The following TRMT11 variants were observed in gnomAD, a reference collection of about 807,000 sequenced individuals.
TRMT11 encodes the protein tRNA (guanine(10)-N(2))-methyltransferase TRMT11.
TRMT11 carries 53 observed loss-of-function variants against 62.8 expected under a neutral mutation model. The observed-to-expected ratio is 0.84, with a 90% confidence interval of 0.68 to 1.06. The LOEUF (loss-of-function observed/expected upper bound fraction) is 1.06. TRMT11 is among the 50% of genes least tolerant of loss of function. TRMT11 has a pLI of 0.00. For synonymous variants in TRMT11, 188 were observed against 190.3 expected (o/e 0.99, Z 0.10); for missense variants, 556 against 553.4 (o/e 1.00, Z -0.05).
At chr6:126,157,851 AT>A (rs1252685567) in intron 21 of TRMT11, among the ~76,000 whole-genome samples, 4 of 152,248 alleles carry the variant, frequency 2.6e-5, no homozygotes, top group Non-Finnish European at 2.9e-5. Flanking sequence ...TAGTCTTTAC[AT>A]TTTTAAATTG....
the TRMT11 span, among the ~76,000 whole-genome samples, chr6:126,271,033 C>T: frequency 6.6e-6 from 1 of 152,088 alleles, no homozygotes; most frequent in Non-Finnish European, 1.5e-5. Flanking sequence ...TCATCACACA[C>T]ATTTTTAAAG....
At position 126,008,471 on chromosome 6, in the gene TRMT11, G is replaced by C; in HGVS notation, c.759G>C (p.Leu253Phe). 6.2e-7 allele frequency: 1 copy of C among 1,611,766 alleles called. No homozygotes were observed. Among genetic ancestry groups the C allele is most frequent in the Non-Finnish European group, 8.5e-7 (1 of 1,178,112 alleles). Reference sequence around the variant, plus strand: ...TAGACTACAACACAGTTCATGGCTTGGGTGAGTAGAGATTATAGACAGTAT... The same window carrying C: ...TAGACTACAACACAGTTCATGGCTTCGGTGAGTAGAGATTATAGACAGTAT... ...TDIDYNTVHG[L>F]GKATRKNQKW... Residue 253 changes from leucine (L) to phenylalanine (F), a missense_variant and splice_region_variant, in exon 8 of 13, where the codon TTG becomes TTC. By Grantham distance (22) the Leu-to-Phe change is conservative. Transcript: ENST00000334379.
upstream of TRMT11, among the ~76,000 whole-genome samples, chr6:126,175,907 G>T (rs1778380034): frequency 6.6e-6 from 1 of 152,148 alleles, no homozygotes; most frequent in Admixed American, 6.6e-5. Context: ...ATAACACTGA[G>T]AATTTTACTT....
chr6:126,048,691 T>A (rs1776128823), intron 16 of TRMT11, among the ~76,000 whole-genome samples: 1 of 152,212 alleles, frequency 6.6e-6, no homozygotes, highest in African/African-American at 2.4e-5. Context: ...ATGTTTCTGA[T>A]GCAAAGGCTA....
chr6:126,239,941 G>A, the TRMT11 span, among the ~76,000 whole-genome samples: 3 of 151,764 alleles, frequency 2.0e-5, no homozygotes, highest in African/African-American at 4.8e-5. Context: ...TTCTCTTCTT[G>A]CTTCATTTCA....
chr6:126,211,662 T>C, the TRMT11 span, among the ~76,000 whole-genome samples: 1 of 151,658 alleles, frequency 6.6e-6, no homozygotes, highest in Non-Finnish European at 1.5e-5. Flanking sequence ...TGTGGGTACA[T>C]AGTAGGTGTA....
At chr6:126,125,163 A>C (rs917361112) in intron 21 of TRMT11, among the ~76,000 whole-genome samples, 9 of 152,004 alleles carry the variant, frequency 5.9e-5, no homozygotes, top group Admixed American at 2.6e-4. Flanking sequence ...CTATGCTCAG[A>C]CACTTTCCAT....
At chr6:126,264,682 T>G in the TRMT11 span, among the ~76,000 whole-genome samples, 1 of 152,202 alleles carries the variant, frequency 6.6e-6, no homozygotes, top group Non-Finnish European at 1.5e-5. Context: ...GAGCAAAAAC[T>G]TAACCATCCC....
intron 12 of TRMT11, among the ~76,000 whole-genome samples, chr6:126,022,172 T>A (rs530540104): frequency 6.7e-6 from 1 of 149,522 alleles, no homozygotes; most frequent in East Asian, 2.0e-4. Flanking sequence ...GCCTCCTGAG[T>A]AGCTGGGATT....
intron 21 of TRMT11, among the ~76,000 whole-genome samples, chr6:126,138,503 C>A (rs1258967257): frequency 1.3e-5 from 2 of 151,872 alleles, no homozygotes; most frequent in East Asian, 3.9e-4. Context: ...TAATATTAAT[C>A]ATTTGAAGCA....
At position 125,986,554 on chromosome 6, in the gene TRMT11, G is replaced by T. The variant is rs773963541; in HGVS notation, c.4G>T (p.Ala2Ser). 6.9e-6 allele frequency: 11 copies of T among 1,588,532 alleles called. No individual in the cohort carries two copies. Among genetic ancestry groups the T allele is most frequent in the African/African-American group, 2.7e-5 (2 of 74,724 alleles). ...AGGCGCACGGTGGGCAGCTGCAATG[G>T]CGCTGTCGTGTACCCTTAACAGGTA... MALSCTLNRYLL... is the reference protein window; with the variant it reads MSLSCTLNRYLL... The change falls in exon 1 of 13, where the codon GCG (alanine) becomes TCG (serine). Residue 2 changes from alanine to serine, a missense_variant. Transcript: ENST00000334379.
chr6:126,160,482 C>A (rs1562337206), intron 21 of TRMT11, among the ~76,000 whole-genome samples: 1 of 151,926 alleles, frequency 6.6e-6, no homozygotes, highest in Non-Finnish European at 1.5e-5. Flanking sequence ...AGAAGGAAGG[C>A]AGAGATGATT....
intron 17 of TRMT11, among the ~76,000 whole-genome samples, chr6:126,075,046 G>A (rs868696941): frequency 6.6e-6 from 1 of 152,044 alleles, no homozygotes; most frequent in Non-Finnish European, 1.5e-5. Flanking sequence ...TTTAACATAA[G>A]CTGAACATCC....
intron 17 of TRMT11, among the ~76,000 whole-genome samples, chr6:126,057,901 A>G (rs939750664): frequency 3.3e-5 from 5 of 151,856 alleles, no homozygotes; most frequent in African/African-American, 1.2e-4. Flanking sequence ...GCTGGCAAGG[A>G]TTGGAAGGCT....
At chr6:126,246,047 G>A in the TRMT11 span, among the ~76,000 whole-genome samples, 1 of 152,148 alleles carries the variant, frequency 6.6e-6, no homozygotes, top group South Asian at 2.1e-4. Flanking sequence ...ACTAAGCCCA[G>A]ATTCGTGCAA....
chr6:126,068,088 T>G (rs1266592130), intron 17 of TRMT11, among the ~76,000 whole-genome samples: 1 of 152,174 alleles, frequency 6.6e-6, no homozygotes, highest in African/African-American at 2.4e-5. Context: ...TGTGTATAGA[T>G]CATTTGGATT....
At chr6:126,119,048 G>T (rs936945442) in intron 21 of TRMT11, among the ~76,000 whole-genome samples, 2 of 152,016 alleles carry the variant, frequency 1.3e-5, no homozygotes, top group Non-Finnish European at 2.9e-5. Flanking sequence ...TAGAGATCTG[G>T]ATCCAAATCC....
At chr6:126,220,232 C>A in the TRMT11 span, among the ~76,000 whole-genome samples, 3 of 152,078 alleles carry the variant, frequency 2.0e-5, no homozygotes, top group Non-Finnish European at 4.4e-5. Context: ...ATAGCAGAGA[C>A]CTATCAAAAA....
intron 12 of TRMT11, among the ~76,000 whole-genome samples, chr6:126,033,477 G>GT (rs1307045658): frequency 6.6e-6 from 1 of 152,092 alleles, no homozygotes; most frequent in African/African-American, 2.4e-5. Context: ...ATAAGGTCAC[G>GT]TTTATATACC....
Sources: allele counts gnomAD v4.1 joint callset (sites outside exome capture counted in the v4.1 genomes callset), GRCh38; gene constraint gnomAD v4.1.1; transcripts MANE v1.5; gene names NCBI Gene and HGNC (gene_info 2026-07-23, HGNC 2026-07-21).